Variants in EPCAM observed in about 807,000 individuals in gnomAD.
The protein encoded by EPCAM is adenocarcinoma-associated antigen.
In EPCAM, 39 loss-of-function variants were observed where a neutral mutation model predicts 40.0. The ratio of observed to expected loss-of-function variants is 0.98; its 90% CI spans 0.76 to 1.27. EPCAM has a LOEUF of 1.27. Among genes scored for constraint, EPCAM ranks in the 50% most tolerant of loss-of-function variants. EPCAM has a pLI of 0.00. For missense variants in EPCAM, 503 were observed against 381.2 expected (o/e 1.32, Z -2.66); for synonymous variants, 168 against 132.3 (o/e 1.27, Z -1.85).
rs769060285 is a variant in EPCAM at position 47,379,989 on chromosome 2, A to G, written c.858+20A>G. 1.3e-5 allele frequency: 20 copies of G among 1,592,026 alleles called. No homozygotes were observed. Among genetic ancestry groups the G allele is most frequent in the Non-Finnish European group, 1.5e-5 (18 of 1,168,186 alleles). The stretch of plus-strand genomic sequence containing the variant: ...GTGCTGGTGAGTACAGAACAAGTAA[A>G]ATTTCATTTAAGGGTATATTTTTTC... On this transcript the variant is annotated intron_variant, in intron 7 of 8. Transcript: ENST00000263735.
At chr2:47,372,795 G>A (rs1671309477) in intron 1 of EPCAM, among the ~76,000 whole-genome samples, 1 of 151,996 alleles carries the variant, frequency 6.6e-6, no homozygotes, top group African/African-American at 2.4e-5. Flanking sequence ...AAAAAAGGCA[G>A]TGACTAACAG....
At chr2:47,384,595 T>A (rs115677472) in intron 7 of EPCAM, among the ~76,000 whole-genome samples, 1 of 151,836 alleles carries the variant, frequency 6.6e-6, no homozygotes, top group Non-Finnish European at 1.5e-5. Context: ...TTTGTTTTTT[T>A]AGTAGAGTCG....
At position 47,374,004 on chromosome 2, in the gene EPCAM, A is replaced by G. The variant is rs2103747867; in HGVS notation, c.381A>G (p.Thr127=). 6.2e-7 allele frequency: 1 copy of G among 1,614,212 alleles called. No individual in the cohort carries two copies. Among genetic ancestry groups the G allele is most frequent in the Non-Finnish European group, 8.5e-7 (1 of 1,180,034 alleles). The change falls in exon 3 of 9, where the codon ACA becomes ACG. Residue 127 remains threonine, a synonymous_variant. Transcript: ENST00000263735. ...WCVNTAGVRR[T]DKDTEITCSE... ...TGAACACTGCTGGGGTCAGAAGAAC[A>G]GACAAGGACACTGAAATAACCTGCT...
At chr2:47,377,709 A>C (rs544189949) in intron 5 of EPCAM, 1 of 408,066 alleles carries the variant, frequency 2.5e-6, no homozygotes, top group African/African-American at 2.2e-5. Flanking sequence ...TATGCACCAA[A>C]ATTACTTTTG....
intron 6 of EPCAM, 61 bp from the exon 7 acceptor site, chr2:47,379,708 A>T (rs2103758483): frequency 1.3e-6 from 2 of 1,572,146 alleles, no homozygotes; most frequent in Non-Finnish European, 1.7e-6. Flanking sequence ...GTATGTAATT[A>T]TATGTGGCCA....
intron 7 of EPCAM, among the ~76,000 whole-genome samples, chr2:47,383,857 G>A (rs1021223902): frequency 1.3e-5 from 2 of 151,438 alleles, no homozygotes; most frequent in African/African-American, 4.8e-5. Context: ...GGCTGATCTC[G>A]AAATCCTGAT....
At chr2:47,373,190 G>C (rs986805731) in intron 1 of EPCAM, among the ~76,000 whole-genome samples, 3 of 122,152 alleles carry the variant, frequency 2.5e-5, no homozygotes, top group Non-Finnish European at 4.8e-5. Flanking sequence ...GGGCCACAGA[G>C]TGAGACCCTA....
At position 47,369,510 on chromosome 2, in the gene EPCAM, C is replaced by T. The variant is rs201402370; in HGVS notation, c.5C>T (p.Ala2Val). The T allele has an allele frequency of 2.1e-3, 3,287 of 1,552,862 alleles. 11 individuals carry two copies. Among genetic ancestry groups the T allele is most frequent in the Non-Finnish European group, 1.9e-3 (2,227 of 1,155,536 alleles). Residue 2 changes from alanine to valine, a missense_variant, in exon 1 of 9, where the codon GCG becomes GTG. Ala to Val is a moderately conservative substitution (Grantham distance 64, BLOSUM62 0). Coordinates refer to ENST00000263735, the MANE Select transcript of EPCAM (RefSeq NM_002354.3). ...TCTTCTCGGCGCGCGCGCAGCATGGCGCCCCCGCAGGTCCTCGCGTTCGGG... is the reference window on the plus strand; with the variant it reads ...TCTTCTCGGCGCGCGCGCAGCATGGTGCCCCCGCAGGTCCTCGCGTTCGGG... M[A>V]PPQVLAFGLL...
In EPCAM at chr2:47,369,356, G is replaced by C. The variant is rs1020424576; in HGVS notation, c.-150G>C. ...CGAGCGAGCACCTTCGACGCGGTCC[G>C]GGGACCCCCTCGTCGCTGTCCTCCC... On this transcript the variant is annotated 5_prime_UTR_variant, in exon 1 of 9. Transcript: ENST00000263735. The C allele has an allele frequency of 8.2e-7, 1 of 1,217,704 alleles. No homozygotes were observed. Among genetic ancestry groups the C allele is most frequent in the Non-Finnish European group, 1.1e-6 (1 of 930,460 alleles). 75.4% of individuals were successfully genotyped at this position (1,217,704 alleles called of 1,614,324 possible). A position where few individuals can be genotyped will look rare whatever the true frequency, so the allele number is the denominator to read the frequency against.
chr2:47,385,113 A>G (rs1645169788), intron 7 of EPCAM, 53 bp from the exon 8 acceptor site: 1 of 1,352,814 alleles, frequency 7.4e-7, no homozygotes, highest in Non-Finnish European at 1.1e-6. Context: ...CTGTTTAGAT[A>G]ATCTTTTTTT....
intron 1 of EPCAM, 95 bp from the exon 2 acceptor site, chr2:47,373,368 G>A (rs1033052961): frequency 2.4e-6 from 2 of 825,552 alleles, no homozygotes; most frequent in African/African-American, 1.7e-5. Flanking sequence ...TTGTGTCCTT[G>A]TAACTTTAGG....
At chr2:47,379,546 A>G (rs1671522441) in intron 6 of EPCAM, among the ~76,000 whole-genome samples, 1 of 152,206 alleles carries the variant, frequency 6.6e-6, no homozygotes, top group African/African-American at 2.4e-5. Context: ...CATCTGGGTG[A>G]TAGGTACATG....
chr2:47,378,627 A>T (rs1490055771), intron 5 of EPCAM, among the ~76,000 whole-genome samples: 2 of 152,132 alleles, frequency 1.3e-5, no homozygotes, highest in African/African-American at 4.8e-5. Context: ...TTAGTAATTT[A>T]GTTTTAAAGT....
At position 47,379,972 on chromosome 2, in the gene EPCAM, G is replaced by A. The variant is rs879226247; in HGVS notation, c.858+3G>A. The A allele has an allele frequency of 6.2e-7, 1 of 1,608,814 alleles. No individual in the cohort carries two copies. Among genetic ancestry groups the A allele is most frequent in the Non-Finnish European group, 8.5e-7 (1 of 1,177,038 alleles). On this transcript the variant is annotated splice_donor_region_variant and intron_variant, in intron 7 of 8. Coordinates refer to ENST00000263735, the MANE Select transcript of EPCAM (RefSeq NM_002354.3). Reference sequence around the variant, plus strand: ...TTGTTGCTGGAATTGTTGTGCTGGTGAGTACAGAACAAGTAAAATTTCATT... The same window carrying A: ...TTGTTGCTGGAATTGTTGTGCTGGTAAGTACAGAACAAGTAAAATTTCATT...
intron 5 of EPCAM, 34 bp from the exon 6 acceptor site, chr2:47,378,919 G>T (rs1409933015): frequency 1.1e-6 from 1 of 869,806 alleles, no homozygotes; most frequent in Non-Finnish European, 2.0e-6. Flanking sequence ...GATTATATTA[G>T]TATTAATTTG....
chr2:47,376,255 T>TC (rs1491580219), intron 4 of EPCAM, among the ~76,000 whole-genome samples: 197 of 112,796 alleles, frequency 1.7e-3, no homozygotes, highest in African/African-American at 0.01. Context: ...TATTTCCTCC[T>TC]TTTTTTTTTT....
rs919489665 is a variant in EPCAM, at chr2:47,386,956, ATTTAC to A, written c.*346_*350del. 3 of 257,384 alleles carry A rather than the reference ATTTAC, an allele frequency of 1.2e-5. No homozygotes were observed. The highest frequency in any genetic ancestry group is 6.5e-5 in the African/African-American group (3 of 45,902). 15.9% of individuals were successfully genotyped at this position (257,384 alleles called of 1,614,324 possible). On this transcript the variant is annotated 3_prime_UTR_variant, in exon 9 of 9. Transcript: ENST00000263735. Reference sequence around the variant, plus strand: ...ATTTGTGATTGAAAGCTGCCTTTCTATTTACTTGAGTCTTGTACATACATACTTTT... The same window carrying A: ...ATTTGTGATTGAAAGCTGCCTTTCTATTGAGTCTTGTACATACATACTTTT...
intron 7 of EPCAM, among the ~76,000 whole-genome samples, chr2:47,380,437 CTT>C (rs1030395903): frequency 6.6e-6 from 1 of 152,162 alleles, no homozygotes; most frequent in Non-Finnish European, 1.5e-5. Flanking sequence ...TCTCTGGTCT[CTT>C]TTTACAAAAG....
chr2:47,380,338 A>G (rs1671554363), intron 7 of EPCAM, among the ~76,000 whole-genome samples: 1 of 152,192 alleles, frequency 6.6e-6, no homozygotes, highest in Middle Eastern at 3.2e-3. Context: ...AAAAGGAAAT[A>G]TGAAAAAGTA....
Sources: allele counts gnomAD v4.1 joint callset (sites outside exome capture counted in the v4.1 genomes callset), GRCh38; gene constraint gnomAD v4.1.1; transcripts MANE v1.5; gene names NCBI Gene and HGNC (gene_info 2026-07-23, HGNC 2026-07-21).